TBX3: variants seen among roughly 807,000 people sequenced by gnomAD.
TBX3 encodes T-box transcription factor 3, also known as T-box transcription factor TBX3.
TBX3 carries 11 observed loss-of-function variants against 47.8 expected under a neutral mutation model. The observed-to-expected ratio is 0.23, with a 90% confidence interval of 0.14 to 0.38. TBX3 has a LOEUF of 0.38. TBX3 is among the 10% of genes least tolerant of loss of function. The pLI, the probability that TBX3 is intolerant of heterozygous loss-of-function variation, is 1.00. For missense variants in TBX3, 927 were observed against 1,022.8 expected (o/e 0.91, Z 1.28); for synonymous variants, 500 against 449.3 (o/e 1.11, Z -1.43).
chr12:114,681,842 C>CTG (rs1038490986), intron 1 of TBX3, among the ~76,000 whole-genome samples: 1 of 152,206 alleles, frequency 6.6e-6, no homozygotes, highest in African/African-American at 2.4e-5. Flanking sequence ...GGTTGGCATT[C>CTG]TGTAGTCTTG....
rs937551157 is a variant in TBX3, at chr12:114,671,759, G to A, written c.*82C>T. 2.6e-5 allele frequency: 40 copies of A among 1,516,584 alleles called. No individual in the cohort carries two copies. Among genetic ancestry groups the A allele is most frequent in the South Asian group, 6.0e-5 (5 of 82,684 alleles). The allele number at this position is 1,516,584 out of a possible 1,614,324, so 93.9% of individuals were successfully genotyped here. A position where few individuals can be genotyped will look rare whatever the true frequency, so the allele number is the denominator to read the frequency against. Reference sequence around the variant, plus strand: ...CAAAAGGAAGGGCTAACGCCATGGCGGGCCCGTGGTTTATTTTATATCCGA... The same window carrying A: ...CAAAAGGAAGGGCTAACGCCATGGCAGGCCCGTGGTTTATTTTATATCCGA... On this transcript the variant is annotated 3_prime_UTR_variant, in exon 7 of 7. Coordinates refer to ENST00000349155, the MANE Select transcript of TBX3 (RefSeq NM_005996.4).
At chr12:114,679,781 T>C in intron 2 of TBX3, 130 bp from the exon 3 acceptor site, 3 of 1,527,194 alleles carry the variant, frequency 2.0e-6, no homozygotes, top group Non-Finnish European at 2.7e-6. Flanking sequence ...CCCACCTCCT[T>C]GGAGTACCCC....
chr12:114,683,485 A>T lies in TBX3; in HGVS notation c.-285T>A, dbSNP rs1869042211. 1 of 421,984 alleles carries T rather than the reference A, an allele frequency of 2.4e-6. No individual in the cohort carries two copies. Among genetic ancestry groups the T allele is most frequent in the Admixed American group, 3.9e-5 (1 of 25,350 alleles). 26.1% of individuals were successfully genotyped at this position (421,984 alleles called of 1,614,324 possible). On this transcript the variant is annotated 5_prime_UTR_variant, in exon 1 of 7. Coordinates refer to ENST00000349155, the MANE Select transcript of TBX3 (RefSeq NM_005996.4). The surrounding 1 kb of genome is among the most constrained non-coding windows in gnomAD (Gnocchi z 7.7). ...GACCGTCCTTGTGCCTTGCGTTTTT[A>T]AAAAGCCGCTCCTGAACGTCGGTTT...
rs1240911276 is a variant in TBX3 at position 114,674,913 on chromosome 12, T to C, written c.1040-78A>G. 3.9e-5 allele frequency: 59 copies of C among 1,524,790 alleles called. 1 individual carries two copies. The highest frequency in any genetic ancestry group is 3.8e-4 in the South Asian group (32 of 83,554). The allele number at this position is 1,524,790 out of a possible 1,614,324, so 94.5% of individuals were successfully genotyped here. A position where few individuals can be genotyped will look rare whatever the true frequency, so the allele number is the denominator to read the frequency against. ...AGCCAACGGAACTCCAGTTCCCAAG[T>C]TGGAATCCCAGCTCGTGGCTTAGTG... On this transcript the variant is annotated intron_variant, in intron 5 of 6. Coordinates refer to ENST00000349155, the MANE Select transcript of TBX3 (RefSeq NM_005996.4).
intron 4 of TBX3, among the ~76,000 whole-genome samples, chr12:114,677,148 A>G (rs984881570): frequency 1.6e-4 from 25 of 152,184 alleles, no homozygotes; most frequent in African/African-American, 6.0e-4. Context: ...AAAATGATAC[A>G]TGTCCCCACG....
rs773785943 is a variant in TBX3 at position 114,672,200 on chromosome 12, G to T, written c.1813C>A (p.Arg605Ser). ...SSAAASSSVH[R>S]HPFLNLNTMR... ...GTGTTCAGATTGAGGAAGGGGTGGC[G>T]GTGCACCGAGCTGGAGGCTGCCGCA... The change falls in exon 7 of 7, where the codon CGC becomes AGC. Residue 605 changes from arginine (R) to serine (S), a missense_variant. By Grantham distance (110) the Arg-to-Ser change is moderately radical (BLOSUM62 -1). Around this residue, in one of 5 missense-constraint regions of TBX3, gnomAD observed 623 missense variants for 569.0 expected, o/e 1.09. Transcript: ENST00000349155. 6 of 1,571,116 alleles carry T rather than the reference G, an allele frequency of 3.8e-6. No homozygotes were observed. The highest frequency in any genetic ancestry group is 1.3e-5 in the African/African-American group (1 of 74,164).
At chr12:114,680,701 C>G (rs1452517331) in intron 2 of TBX3, 178 bp downstream of exon 2, 2 of 907,628 alleles carry the variant, frequency 2.2e-6, no homozygotes, top group Admixed American at 2.0e-5. Context: ...TTTAGAACGC[C>G]AGGCCTTCCA....
Position 114,683,385 on chromosome 12 carries a change from A to C in TBX3, c.-185T>G. 1.3e-6 allele frequency: 1 copy of C among 797,072 alleles called. No homozygotes were observed. The highest frequency in any genetic ancestry group is 1.9e-6 in the Non-Finnish European group (1 of 522,702). 49.4% of individuals were successfully genotyped at this position (797,072 alleles called of 1,614,324 possible). On this transcript the variant is annotated 5_prime_UTR_variant, in exon 1 of 7. Coordinates refer to ENST00000349155, the MANE Select transcript of TBX3 (RefSeq NM_005996.4). This position sits in a 1 kb window ranked among gnomAD's most constrained non-coding sequence, Gnocchi z 7.7. The stretch of plus-strand genomic sequence containing the variant: ...TAATGCACTTCAAAGGGAGGAGGGG[A>C]AGTGTCTTTTGGAGAATGGGAGGCC...
Position 114,683,381 on chromosome 12 carries a change from G to T in TBX3, c.-181C>A. On this transcript the variant is annotated 5_prime_UTR_variant, in exon 1 of 7. Coordinates refer to ENST00000349155, the MANE Select transcript of TBX3 (RefSeq NM_005996.4). The surrounding 1 kb of genome is among the most constrained non-coding windows in gnomAD (Gnocchi z 7.7). The stretch of plus-strand genomic sequence containing the variant: ...CAACTAATGCACTTCAAAGGGAGGA[G>T]GGGAAGTGTCTTTTGGAGAATGGGA... The T allele has an allele frequency of 1.2e-6, 1 of 829,540 alleles. No homozygotes were observed. Among genetic ancestry groups the T allele is most frequent in the South Asian group, 1.9e-5 (1 of 51,848 alleles). 51.4% of individuals were successfully genotyped at this position (829,540 alleles called of 1,614,324 possible). A position where few individuals can be genotyped will look rare whatever the true frequency, so the allele number is the denominator to read the frequency against.
Position 114,677,633 on chromosome 12 carries a change from G to A in TBX3, c.828C>T (p.Asn276=), listed in dbSNP as rs778214854. The change falls in exon 4 of 7, where the codon AAC becomes AAT. Residue 276 remains asparagine (N), a synonymous_variant. Coordinates refer to ENST00000349155, the MANE Select transcript of TBX3 (RefSeq NM_005996.4). ...CCCGGAAACCTTTTGCAAAAGGGTT[G>A]TTGTCTATTTTTAACTGGGTTATCT... ...NDKITQLKID[N]NPFAKGFRDT... is the part of the protein sequence containing the mutation. 2.2e-5 allele frequency: 35 copies of A among 1,613,980 alleles called. No individual in the cohort carries two copies. The highest frequency in any genetic ancestry group is 2.7e-5 in the Non-Finnish European group (32 of 1,180,004).
intron 6 of TBX3, 145 bp from the exon 7 acceptor site, chr12:114,672,447 TG>T (rs3830417): frequency 2.3e-4 from 101 of 438,776 alleles, no homozygotes; most frequent in African/African-American, 6.8e-4. Context: ...TTTTTTTTTT[TG>T]GGGGGGGAGA....
Position 114,671,624 on chromosome 12 carries a change from C to T in TBX3, c.*217G>A. The stretch of plus-strand genomic sequence containing the variant: ...GCTCAATGCAACCGACGTTTCTGAG[C>T]CCCCAGAATCTGATCCAGATCCCGG... On this transcript the variant is annotated 3_prime_UTR_variant, in exon 7 of 7. Transcript: ENST00000349155. 1.6e-6 allele frequency: 1 copy of T among 629,700 alleles called. No homozygotes were observed. Among genetic ancestry groups the T allele is most frequent in the Admixed American group, 2.8e-5 (1 of 35,354 alleles). 39.0% of individuals were successfully genotyped at this position (629,700 alleles called of 1,614,324 possible).
rs1261109096 is a variant in TBX3, at chr12:114,679,660, G to A, written c.658-9C>T. 1 of 1,614,040 alleles carries A rather than the reference G, an allele frequency of 6.2e-7. No individual in the cohort carries two copies. Among genetic ancestry groups the A allele is most frequent in the Non-Finnish European group, 8.5e-7 (1 of 1,180,022 alleles). Reference sequence around the variant, plus strand: ...ATGGAGTTCAATATAGTCTGCAGGGGCAGGGAAGAGGAGACATACATAAAA... The same window carrying A: ...ATGGAGTTCAATATAGTCTGCAGGGACAGGGAAGAGGAGACATACATAAAA... On this transcript the variant is annotated splice_polypyrimidine_tract_variant and intron_variant, in intron 2 of 6. Coordinates refer to ENST00000349155, the MANE Select transcript of TBX3 (RefSeq NM_005996.4).
intron 3 of TBX3, 62 bp downstream of exon 3, chr12:114,679,443 A>G: frequency 6.2e-7 from 1 of 1,608,038 alleles, no homozygotes; most frequent in Non-Finnish European, 8.5e-7. Context: ...ATCCTGACTT[A>G]AAGCAGCTTT....
At chr12:114,681,186 C>A (rs1158217570) in intron 1 of TBX3, 40 bp from the exon 2 acceptor site, 2 of 1,611,840 alleles carry the variant, frequency 1.2e-6, no homozygotes, top group Admixed American at 1.7e-5. Flanking sequence ...GAAAGATAAA[C>A]CACCCGTAAT....
chr12:114,683,338 A>T lies in TBX3; in HGVS notation c.-138T>A, dbSNP rs1208537859. 5 of 1,208,336 alleles carry T rather than the reference A, an allele frequency of 4.1e-6. No homozygotes were observed. Among genetic ancestry groups the T allele is most frequent in the African/African-American group, 1.5e-5 (1 of 65,434 alleles). The allele number at this position is 1,208,336 out of a possible 1,614,324, so 74.9% of individuals were successfully genotyped here. ...GCAAAACAAAAAAGAAAGAAAAAAG[A>T]AAAGGAGGCAGAAATCACAACTAAT... On this transcript the variant is annotated 5_prime_UTR_variant, in exon 1 of 7. Transcript: ENST00000349155. The surrounding 1 kb of genome is among the most constrained non-coding windows in gnomAD (Gnocchi z 7.7).
Position 114,684,139 on chromosome 12 carries a change from G to A in TBX3, c.-939C>T. 4.3e-6 allele frequency: 1 copy of A among 230,382 alleles called. No homozygotes were observed. Among genetic ancestry groups the A allele is most frequent in the Non-Finnish European group, 8.6e-6 (1 of 116,460 alleles). The allele number at this position is 230,382 out of a possible 1,614,324, so 14.3% of individuals were successfully genotyped here. A position where few individuals can be genotyped will look rare whatever the true frequency, so the allele number is the denominator to read the frequency against. On this transcript the variant is annotated 5_prime_UTR_variant, in exon 1 of 7. Transcript: ENST00000349155. ...GAGCGAGAGAAAGCGAGAGCTCCTC[G>A]CCACCCTCCGCCGCCTCTAGAATTC...
Position 114,683,245 on chromosome 12 carries a change from A to T in TBX3, c.-45T>A. 1 of 1,601,782 alleles carries T rather than the reference A, an allele frequency of 6.2e-7. No homozygotes were observed. On this transcript the variant is annotated 5_prime_UTR_variant, in exon 1 of 7. Transcript: ENST00000349155. This position sits in a 1 kb window ranked among gnomAD's most constrained non-coding sequence, Gnocchi z 7.7. Reference sequence around the variant, plus strand: ...GGGCTCCAGCCGGGGACAAGTCCGCAGCTGCTGTGTTTTGTTGTTTTTTTG... The same window carrying T: ...GGGCTCCAGCCGGGGACAAGTCCGCTGCTGCTGTGTTTTGTTGTTTTTTTG...
intron 2 of TBX3, chr12:114,680,015 A>G (rs749212963): frequency 5.4e-5 from 86 of 1,605,388 alleles, no homozygotes; most frequent in Admixed American, 4.3e-4. Context: ...TTACAAAATG[A>G]TTCAGTACTT....
Sources: allele counts gnomAD v4.1 joint callset (sites outside exome capture counted in the v4.1 genomes callset), GRCh38; gene constraint gnomAD v4.1.1; regional missense constraint gnomAD v4.1.1; non-coding constraint Gnocchi (gnomAD v3.1); transcripts MANE v1.5; gene names NCBI Gene and HGNC (gene_info 2026-07-23, HGNC 2026-07-21).